Variants in RYR2 observed in about 807,000 individuals in gnomAD.
RYR2 encodes the protein cardiac muscle ryanodine receptor-calcium release channel.
RYR2 carries 227 observed loss-of-function variants against 601.1 expected under a neutral mutation model. The ratio of observed to expected loss-of-function variants is 0.38; its 90% CI spans 0.34 to 0.42. The LOEUF is 0.42. Among genes scored for constraint, RYR2 ranks in the 10% least tolerant of loss-of-function variants. The pLI is 1.00. For synonymous variants in RYR2, 2,223 were observed against 2,175.1 expected, an observed-to-expected ratio of 1.02 and a Z score of -0.61; for missense variants, 4,646 against 6,156.5, an observed-to-expected ratio of 0.75 and a Z score of 8.21.
chr1:237,136,371 C>G (rs760535008), intron 1 of RYR2, among the ~76,000 whole-genome samples: 7 of 152,046 alleles, frequency 4.6e-5, no homozygotes, highest in Non-Finnish European at 1.0e-4. Flanking sequence ...ACTTTTTTCC[C>G]GTAGTTACCT....
Position 237,617,324 on chromosome 1 carries a change from C to T in RYR2, c.5754C>T (p.Val1918=), listed in dbSNP as rs397516545. 82 of 1,613,532 alleles carry T rather than the reference C, an allele frequency of 5.1e-5. No individual in the cohort carries two copies. Among genetic ancestry groups the T allele is most frequent in the Non-Finnish European group, 1.3e-5 (15 of 1,179,734 alleles). Reference sequence around the variant, plus strand: ...TTCAGTACCTCTGTGACTGCCAGGTCCGGCACCGGATAGAAGCCATTGTAG... The same window carrying T: ...TTCAGTACCTCTGTGACTGCCAGGTTCGGCACCGGATAGAAGCCATTGTAG... ...LLLQYLCDCQ[V]RHRIEAIVAF... The change falls in exon 38 of 105, where the codon GTC becomes GTT. Residue 1918 remains valine, a synonymous_variant. Coordinates refer to ENST00000366574, the MANE Select transcript of RYR2 (RefSeq NM_001035.3).
At chr1:237,313,648 A>G (rs1694796263) in intron 2 of RYR2, among the ~76,000 whole-genome samples, 1 of 152,212 alleles carries the variant, frequency 6.6e-6, no homozygotes, top group African/African-American at 2.4e-5. Context: ...GAACTGTTAG[A>G]GAAAAAAATT....
intron 1 of RYR2, among the ~76,000 whole-genome samples, chr1:237,228,818 A>G (rs144989420): frequency 5.4e-4 from 82 of 152,352 alleles, no homozygotes; most frequent in African/African-American, 1.7e-3. Flanking sequence ...ATTAAGTGTT[A>G]TCAGATGCCC....
At chr1:237,415,439 A>G (rs1039270919) in intron 10 of RYR2, among the ~76,000 whole-genome samples, 4 of 152,230 alleles carry the variant, frequency 2.6e-5, no homozygotes, top group Admixed American at 1.3e-4. Context: ...AATTTTATCT[A>G]AAGAAATAGA....
At chr1:237,346,016 C>G (rs1373922115) in intron 3 of RYR2, among the ~76,000 whole-genome samples, 2 of 152,126 alleles carry the variant, frequency 1.3e-5, no homozygotes, top group East Asian at 3.9e-4. Context: ...GTTTATGCAA[C>G]AGCCACTTTA....
chr1:237,580,007 GCA>G (rs35931619), intron 29 of RYR2, among the ~76,000 whole-genome samples: 45,178 of 151,700 alleles, frequency 0.3, 7,173 homozygotes, highest in East Asian at 0.61. Context: ...GGAAAACCAT[GCA>G]CAGAGTCTTC....
chr1:237,740,719 A>T (rs1049331108), intron 79 of RYR2, among the ~76,000 whole-genome samples: 4 of 152,166 alleles, frequency 2.6e-5, no homozygotes. Flanking sequence ...TTAGTGTTCT[A>T]ATTTGCATAG....
intron 1 of RYR2, among the ~76,000 whole-genome samples, chr1:237,183,371 GC>G (rs1679000664): frequency 6.6e-6 from 1 of 152,136 alleles, no homozygotes; most frequent in African/African-American, 2.4e-5. Flanking sequence ...TTAGAAGGAG[GC>G]TGGCTTTCAG....
chr1:237,784,160 T>C lies in RYR2; in HGVS notation c.12448T>C (p.Phe4150Leu). ...GSAKRIERVY[F>L]EISESSRTQW... ...CGCCAAACGCATCGAGAGGGTCTAT[T>C]TTGAAATCAGTGAGTCCAGCCGAAC... is the stretch of plus-strand genomic sequence containing the variant. The change falls in exon 90 of 105, where the codon TTT becomes CTT. Residue 4150 changes from phenylalanine (F) to leucine (L), a missense_variant. By Grantham distance (22) the Phe-to-Leu change is conservative. Coordinates refer to ENST00000366574, the MANE Select transcript of RYR2 (RefSeq NM_001035.3). The surrounding 1 kb of genome is among the most constrained non-coding windows in gnomAD (Gnocchi z 7.1). The C allele has an allele frequency of 6.2e-7, 1 of 1,614,006 alleles. No homozygotes were observed. The highest frequency in any genetic ancestry group is 8.5e-7 in the Non-Finnish European group (1 of 1,179,888).
At chr1:237,156,889 A>G (rs1291973560) in intron 1 of RYR2, among the ~76,000 whole-genome samples, 2 of 152,166 alleles carry the variant, frequency 1.3e-5, no homozygotes, top group Non-Finnish European at 2.9e-5. Flanking sequence ...AAAATAATAG[A>G]TGCTGGCAAG....
chr1:237,283,250 G>T (rs1691094338), intron 2 of RYR2, among the ~76,000 whole-genome samples: 1 of 151,982 alleles, frequency 6.6e-6, no homozygotes, highest in Admixed American at 6.6e-5. Context: ...TTTCTTTCTT[G>T]CTTGCCTGTC....
chr1:237,136,948 C>T (rs1558301111), intron 1 of RYR2, among the ~76,000 whole-genome samples: 1 of 140,066 alleles, frequency 7.1e-6, no homozygotes. Context: ...ACCAAGGAGG[C>T]AGAGGTTGCA....
chr1:237,277,960 G>C (rs1239152054), intron 2 of RYR2, among the ~76,000 whole-genome samples: 1 of 152,114 alleles, frequency 6.6e-6, no homozygotes, highest in East Asian at 1.9e-4. Flanking sequence ...TTTTTATCAT[G>C]TATACATGTG....
intron 1 of RYR2, among the ~76,000 whole-genome samples, chr1:237,112,625 T>G (rs1197466934): frequency 1.3e-5 from 2 of 151,538 alleles, no homozygotes; most frequent in Non-Finnish European, 2.9e-5. Flanking sequence ...GGCAAATTTC[T>G]AGGATTAAAC....
intron 88 of RYR2, 56 bp from the exon 89 acceptor site, chr1:237,781,509 T>C (rs1055099895): frequency 3.6e-6 from 3 of 837,248 alleles, no homozygotes; most frequent in East Asian, 2.6e-5. Flanking sequence ...ATAAGTATGA[T>C]GTTCCTGCTG....
intron 2 of RYR2, among the ~76,000 whole-genome samples, chr1:237,284,907 TA>T (rs1167991925): frequency 1.3e-5 from 2 of 152,146 alleles, no homozygotes; most frequent in Non-Finnish European, 2.9e-5. Flanking sequence ...TAATTCTTTT[TA>T]TCAGTTCTAG....
chr1:237,239,699 AG>A (rs1023187709), intron 1 of RYR2, among the ~76,000 whole-genome samples: 12 of 152,230 alleles, frequency 7.9e-5, no homozygotes, highest in African/African-American at 2.9e-4. Context: ...TTTTATTAAA[AG>A]GGAAATCTTA....
intron 34 of RYR2, among the ~76,000 whole-genome samples, chr1:237,600,282 C>G (rs1382519359): frequency 6.6e-6 from 1 of 151,564 alleles, no homozygotes; most frequent in East Asian, 1.9e-4. Flanking sequence ...AACAGAGAAC[C>G]CAGAAAAAAA....
At chr1:237,408,272 CAT>C (rs1483303133) in intron 10 of RYR2, among the ~76,000 whole-genome samples, 3 of 151,922 alleles carry the variant, frequency 2.0e-5, no homozygotes, top group East Asian at 1.9e-4. Flanking sequence ...TTTTTCTACA[CAT>C]GTGTATAAAG....
Sources: gnomAD v4.1 joint callset for allele counts (sites outside exome capture counted in the v4.1 genomes callset) on GRCh38, gnomAD v4.1.1 for gene constraint, Gnocchi (gnomAD v3.1) non-coding constraint, MANE v1.5 for transcripts, NCBI Gene and HGNC (gene_info 2026-07-23, HGNC 2026-07-21) for gene names.